The following GLDC variants were observed in gnomAD, a reference collection of about 807,000 sequenced individuals.
GLDC encodes glycine dehydrogenase (decarboxylating), mitochondrial.
A neutral mutation model predicts 121.3 loss-of-function variants in GLDC; 104 were observed. The ratio of observed to expected loss-of-function variants is 0.86; its 90% confidence interval spans 0.73 to 1.01. GLDC has a LOEUF of 1.01. GLDC is among the 50% of genes least tolerant of loss of function. The pLI is 0.00. For synonymous variants in GLDC, 546 were observed against 480.6 expected, an observed-to-expected ratio of 1.14 and a Z score of -1.78; for missense variants, 1,429 against 1,306.6, an observed-to-expected ratio of 1.09 and a Z score of -1.44.
chr9:6,618,243 C>T (rs189983587), intron 3 of GLDC, among the ~76,000 whole-genome samples: 1 of 152,112 alleles, frequency 6.6e-6, no homozygotes, highest in Non-Finnish European at 1.5e-5. Context: ...TAAAATGGCA[C>T]CAATCCAAAA....
chr9:6,536,097 C>A lies in GLDC; in HGVS notation c.2805G>T (p.Glu935Asp). 6.2e-7 allele frequency: 1 copy of A among 1,614,118 alleles called. No homozygotes were observed. Among genetic ancestry groups the A allele is most frequent in the Non-Finnish European group, 8.5e-7 (1 of 1,179,994 alleles). ...GATTGACCCTGGGGTCGATGCGGCCCTCCTCAATGTCAGCAATTTCCTGCC... is the reference window on the plus strand; with the variant it reads ...GATTGACCCTGGGGTCGATGCGGCCATCCTCAATGTCAGCAATTTCCTGCC... ...SIRQEIADIE[E>D]GRIDPRVNPL... Residue 935 changes from glutamate to aspartate, a missense_variant, in exon 23 of 25, where the codon GAG becomes GAT. Glu to Asp is a conservative substitution (Grantham distance 45, BLOSUM62 2). Transcript: ENST00000321612.
rs779847966 is a variant in GLDC at position 6,594,971 on chromosome 9, AATTTT to A, written c.1261+38_1261+42del. 20 of 1,179,570 alleles carry A rather than the reference AATTTT, an allele frequency of 1.7e-5. No homozygotes were observed. The African/African-American group carries it at 3.0e-4, about 18-fold the overall frequency. 73.1% of individuals were successfully genotyped at this position (1,179,570 alleles called of 1,614,324 possible). A position where few individuals can be genotyped will look rare whatever the true frequency, so the allele number is the denominator to read the frequency against. ...ATTTTCAATTTTACTCAAATTTATC[AATTTT>A]ATTATGCCCAAATGTTTTAGACAGA... is the stretch of plus-strand genomic sequence containing the variant. On this transcript the variant is annotated intron_variant, in intron 9 of 24. Transcript: ENST00000321612.
Position 6,628,500 on chromosome 9 carries a change from C to T in GLDC, c.335-8181G>A, listed in dbSNP as rs540616695. 1.1e-4 allele frequency among the ~76,000 whole-genome samples: 16 copies of T among 152,224 alleles called. No individual in the cohort carries two copies. In the South Asian group the frequency reaches 3.1e-3, roughly 30 times the overall value. On this transcript the variant is annotated intron_variant, in intron 2 of 24. Transcript: ENST00000321612. ...AGAAAAGGGGGAATCCATTAAGAAA[C>T]GCTTGAAGGCTGGGGGCAGTGGCTC...
intron 3 of GLDC, among the ~76,000 whole-genome samples, chr9:6,613,725 G>C (rs1818908320): frequency 6.6e-6 from 1 of 152,014 alleles, no homozygotes; most frequent in South Asian, 2.1e-4. Context: ...CTTTGTCTAA[G>C]GATACATTCT....
chr9:6,533,608 C>T lies in GLDC; in HGVS notation c.2920-448G>A, dbSNP rs1300325353. On this transcript the variant is annotated intron_variant, in intron 24 of 24. Coordinates refer to ENST00000321612, the MANE Select transcript of GLDC (RefSeq NM_000170.3). ...GCGCAGTGGCTCGTGCCTTTAATCCCAGAACTTTGGGAGGCCAAGGCAGGC... is the reference window on the plus strand; with the variant it reads ...GCGCAGTGGCTCGTGCCTTTAATCCTAGAACTTTGGGAGGCCAAGGCAGGC... Among the ~76,000 whole-genome samples the T allele has an allele frequency of 2.0e-5, 3 of 151,956 alleles. No homozygotes were observed. The East Asian group carries it at 5.8e-4, about 29-fold the overall frequency.
chr9:6,563,304 G>T lies in GLDC; in HGVS notation c.1926+2050C>A, dbSNP rs141560107. On this transcript the variant is annotated intron_variant, in intron 16 of 24. Transcript: ENST00000321612. The stretch of plus-strand genomic sequence containing the variant: ...ATGGCGAGGGGTGGGAAGCATTACT[G>T]CGTGGAAAGAATCTGGATTTTAGCT... Among the ~76,000 whole-genome samples, 877 of 152,344 alleles carry T rather than the reference G, an allele frequency of 5.8e-3. 7 individuals are homozygous for T. Among genetic ancestry groups the T allele is most frequent in the African/African-American group, 0.02 (829 of 41,570 alleles).
intron 22 of GLDC, among the ~76,000 whole-genome samples, chr9:6,536,866 A>G (rs1386649740): frequency 1.3e-5 from 2 of 152,234 alleles, no homozygotes; most frequent in Non-Finnish European, 2.9e-5. Context: ...TTTGGCCAGT[A>G]TGTGGAAAGC....
chr9:6,582,346 C>A (rs556977825), intron 15 of GLDC, among the ~76,000 whole-genome samples: 145 of 151,096 alleles, frequency 9.6e-4, no homozygotes, highest in Non-Finnish European at 1.5e-3. Flanking sequence ...CGGCGAAACC[C>A]TGTCTCTACT....
intron 16 of GLDC, among the ~76,000 whole-genome samples, chr9:6,562,659 A>G (rs1817781580): frequency 6.6e-6 from 1 of 152,120 alleles, no homozygotes; most frequent in Admixed American, 6.5e-5. Flanking sequence ...TCCTGGATTC[A>G]AGTGATTCTC....
intron 23 of GLDC, 96 bp from the exon 24 acceptor site, chr9:6,534,884 A>G (rs2129645971): frequency 9.6e-6 from 7 of 730,182 alleles, no homozygotes; most frequent in Non-Finnish European, 1.5e-5. Context: ...ACAGGAGCCC[A>G]GGCAGAGAAA....
At chr9:6,618,553 C>G (rs1411569491) in intron 3 of GLDC, among the ~76,000 whole-genome samples, 1 of 152,108 alleles carries the variant, frequency 6.6e-6, no homozygotes, top group African/African-American at 2.4e-5. Context: ...ATGATCCACC[C>G]GCCTCAACCT....
intron 16 of GLDC, among the ~76,000 whole-genome samples, chr9:6,564,521 A>G (rs1319973619): frequency 1.3e-5 from 2 of 152,146 alleles, no homozygotes; most frequent in Non-Finnish European, 2.9e-5. Flanking sequence ...GCACCACCCT[A>G]TCCCCTTTGT....
At chr9:6,615,877 G>A (rs990618109) in intron 3 of GLDC, among the ~76,000 whole-genome samples, 2 of 152,102 alleles carry the variant, frequency 1.3e-5, no homozygotes, top group Non-Finnish European at 2.9e-5. Context: ...GCCTCCCAAA[G>A]TGCTGGGATA....
intron 12 of GLDC, among the ~76,000 whole-genome samples, chr9:6,588,963 C>T (rs1303107413): frequency 6.6e-6 from 1 of 152,166 alleles, no homozygotes; most frequent in Non-Finnish European, 1.5e-5. Flanking sequence ...GAACTTCAGC[C>T]TGGCAATTAT....
At chr9:6,587,584 T>G (rs1267380322) in intron 14 of GLDC, among the ~76,000 whole-genome samples, 3 of 152,116 alleles carry the variant, frequency 2.0e-5, no homozygotes, top group African/African-American at 7.2e-5. Flanking sequence ...ACACAATGAG[T>G]TGCTTCAGGT....
In GLDC at chr9:6,639,890, G is replaced by A. The variant is rs1016313345; in HGVS notation, c.334+4724C>T. Among the ~76,000 whole-genome samples the A allele has an allele frequency of 1.1e-4, 17 of 152,018 alleles. 1 individual carries two copies. The South Asian group carries it at 1.4e-3, about 13-fold the overall frequency. ...ATCTCTAGTGACAATCCAGGAAACC[G>A]AACAACAACTTCCCTAACAATTGGC... is the stretch of plus-strand genomic sequence containing the variant. On this transcript the variant is annotated intron_variant, in intron 2 of 24. Coordinates refer to ENST00000321612, the MANE Select transcript of GLDC (RefSeq NM_000170.3).
At chr9:6,610,559 G>C (rs1818831131) in intron 3 of GLDC, among the ~76,000 whole-genome samples, 1 of 152,108 alleles carries the variant, frequency 6.6e-6, no homozygotes. Flanking sequence ...TTGGGGATAA[G>C]CAGTACTTAT....
intron 15 of GLDC, among the ~76,000 whole-genome samples, chr9:6,571,636 G>C (rs959830303): frequency 6.6e-6 from 1 of 152,174 alleles, no homozygotes; most frequent in Non-Finnish European, 1.5e-5. Flanking sequence ...GCTGGACAAA[G>C]GGCTGATTTA....
intron 15 of GLDC, among the ~76,000 whole-genome samples, chr9:6,570,138 T>A (rs1817930235): frequency 1.3e-5 from 2 of 152,230 alleles, no homozygotes; most frequent in Admixed American, 1.3e-4. Flanking sequence ...GACTGCAGAA[T>A]GCACTAAAGT....
Sources: allele counts gnomAD v4.1 joint callset (sites outside exome capture counted in the v4.1 genomes callset), GRCh38; gene constraint gnomAD v4.1.1; transcripts MANE v1.5; gene names NCBI Gene and HGNC (gene_info 2026-07-23, HGNC 2026-07-21).